CDH23: variants seen among roughly 807,000 people sequenced by gnomAD.
CDH23 encodes cadherin-23.
A neutral mutation model predicts 317.1 loss-of-function variants in CDH23; 189 were observed. The ratio of observed to expected loss-of-function variants is 0.60; its 90% confidence interval spans 0.53 to 0.67. CDH23 has a LOEUF of 0.67. Ranked by LOEUF, CDH23 falls within the 30% of genes least tolerant of loss-of-function variation. The probability of loss-of-function intolerance (pLI) is 0.00; values close to 1 mark genes in which losing one functional copy is unlikely to be tolerated. For synonymous variants in CDH23, 1,839 were observed against 1,876.8 expected, an observed-to-expected ratio of 0.98 and a Z score of 0.52; for missense variants, 4,401 against 4,592.4, an observed-to-expected ratio of 0.96 and a Z score of 1.20.
rs754618075 is a variant in CDH23, at chr10:71,685,322, T to A, written c.1987-2325T>A. Among the ~76,000 whole-genome samples the A allele has an allele frequency of 3.0e-4, 45 of 152,230 alleles. 1 individual carries two copies. The highest frequency in any genetic ancestry group is 7.2e-4 in the Admixed American group (11 of 15,298). On this transcript the variant is annotated intron_variant, in intron 18 of 69. Coordinates refer to ENST00000224721, the MANE Select transcript of CDH23 (RefSeq NM_022124.6). ...CTTCAGAGACCCACCCTCATGAGAT[T>A]TTGAAACCTGAGCTCTGCTCCAAAC...
At chr10:71,599,033 A>C (rs1180657966) in intron 9 of CDH23, among the ~76,000 whole-genome samples, 2 of 150,110 alleles carry the variant, frequency 1.3e-5, no homozygotes, top group Admixed American at 6.7e-5. Context: ...TCCACCCCAC[A>C]TCCCAGCCCG....
At chr10:71,544,287 G>T (rs1320792712) in intron 6 of CDH23, among the ~76,000 whole-genome samples, 1 of 152,228 alleles carries the variant, frequency 6.6e-6, no homozygotes, top group South Asian at 2.1e-4. Context: ...TCCTCATCCA[G>T]TGGACCGAGA....
At chr10:71,538,386 G>A (rs1855816723) in intron 6 of CDH23, among the ~76,000 whole-genome samples, 1 of 152,116 alleles carries the variant, frequency 6.6e-6, no homozygotes, top group Non-Finnish European at 1.5e-5. Context: ...TCAACTATCA[G>A]AATTGGAAGG....
At chr10:71,760,959 G>A in intron 38 of CDH23, 1 of 1,607,820 alleles carries the variant, frequency 6.2e-7, no homozygotes, top group African/African-American at 1.3e-5. Flanking sequence ...TTAGGTGGGT[G>A]TCAGGCCCAG....
At chr10:71,611,777 A>T (rs1194880777) in intron 9 of CDH23, among the ~76,000 whole-genome samples, 1 of 152,210 alleles carries the variant, frequency 6.6e-6, no homozygotes, top group East Asian at 1.9e-4. Flanking sequence ...CTCAGCGAGT[A>T]CTTACACTTT....
chr10:71,779,368 G>T lies in CDH23; in HGVS notation c.5289G>T (p.Val1763=). ...EVTEGQPGPR[V]WTFLAHDRDS... ...CTGAGGGCCAGCCGGGGCCCAGAGTGTGGACCTTCCTGGCCCATGACCGAG... is the reference window on the plus strand; with the variant it reads ...CTGAGGGCCAGCCGGGGCCCAGAGTTTGGACCTTCCTGGCCCATGACCGAG... The change falls in exon 41 of 70, where the codon GTG becomes GTT. Residue 1763 remains valine (V), a synonymous_variant. Transcript: ENST00000224721. 1.2e-6 allele frequency: 2 copies of T among 1,613,954 alleles called. No homozygotes were observed. The highest frequency in any genetic ancestry group is 1.7e-6 in the Non-Finnish European group (2 of 1,179,876).
At chr10:71,468,243 G>A (rs1179938722) in intron 3 of CDH23, among the ~76,000 whole-genome samples, 1 of 152,234 alleles carries the variant, frequency 6.6e-6, no homozygotes, top group South Asian at 2.1e-4. Flanking sequence ...GGGTCCCGCT[G>A]TGGGGCCCTT....
At chr10:71,413,296 C>T (rs1410020444) in intron 1 of CDH23, among the ~76,000 whole-genome samples, 1 of 152,140 alleles carries the variant, frequency 6.6e-6, no homozygotes, top group East Asian at 1.9e-4. Flanking sequence ...GTTTATGTGA[C>T]AGTTTATTTC....
intron 55 of CDH23, 63 bp downstream of exon 55, chr10:71,803,483 G>T (rs1418420509): frequency 1.0e-5 from 15 of 1,432,854 alleles, no homozygotes; most frequent in Non-Finnish European, 1.4e-5. Flanking sequence ...TGGCCTAGAA[G>T]AGTGGAAGCA....
chr10:71,672,369 G>A (rs762731184), intron 14 of CDH23, among the ~76,000 whole-genome samples: 8 of 152,068 alleles, frequency 5.3e-5, no homozygotes, highest in Non-Finnish European at 1.2e-4. Flanking sequence ...AGGCCCTGCT[G>A]CAGCCCGGCA....
At chr10:71,519,288 G>A (rs371013433) in intron 6 of CDH23, among the ~76,000 whole-genome samples, 25 of 152,290 alleles carry the variant, frequency 1.6e-4, no homozygotes, top group African/African-American at 1.2e-4. Flanking sequence ...ATAGCTGCCT[G>A]CTAGTTCTGC....
At chr10:71,773,364 A>G in intron 38 of CDH23, 1 of 1,607,778 alleles carries the variant, frequency 6.2e-7, no homozygotes, top group Non-Finnish European at 8.5e-7. Context: ...TTACCTAGGG[A>G]CGCAGCCAGG....
chr10:71,610,013 G>A (rs1450986746), intron 9 of CDH23, among the ~76,000 whole-genome samples: 3 of 148,430 alleles, frequency 2.0e-5, no homozygotes, highest in East Asian at 2.1e-4. Flanking sequence ...ACAGAGAGAC[G>A]AGAGAGAGAG....
At chr10:71,713,375 G>A (rs995869843) in intron 28 of CDH23, 1 of 736,194 alleles carries the variant, frequency 1.4e-6, no homozygotes. Context: ...GCTGGGTGGG[G>A]AGGGAGGCCC....
At chr10:71,495,811 A>G (rs75670417) in intron 3 of CDH23, among the ~76,000 whole-genome samples, 3 of 132,232 alleles carry the variant, frequency 2.3e-5, no homozygotes, top group South Asian at 4.5e-4. Flanking sequence ...GAGGTTTTGG[A>G]AAAAAAAAAA....
chr10:71,795,180 G>A lies in CDH23; in HGVS notation c.6712+1540G>A, dbSNP rs1042644501. Among the ~76,000 whole-genome samples, 6 of 152,092 alleles carry A rather than the reference G, an allele frequency of 3.9e-5. No individual in the cohort carries two copies. In the East Asian group the frequency reaches 1.2e-3, roughly 29 times the overall value. On this transcript the variant is annotated intron_variant, in intron 48 of 69. Transcript: ENST00000224721. Reference sequence around the variant, plus strand: ...AATACATTACAATGACTGCCTGAGGGGAGAAGGGAAGGAGAGATGAGTATG... The same window carrying A: ...AATACATTACAATGACTGCCTGAGGAGAGAAGGGAAGGAGAGATGAGTATG...
chr10:71,514,047 C>T (rs999464788), intron 6 of CDH23, among the ~76,000 whole-genome samples: 1 of 152,032 alleles, frequency 6.6e-6, no homozygotes, highest in South Asian at 2.1e-4. Flanking sequence ...ACTGCCCACA[C>T]ACACCCATGC....
intron 30 of CDH23, among the ~76,000 whole-genome samples, chr10:71,730,181 G>T (rs577801959): frequency 6.6e-6 from 1 of 152,092 alleles, no homozygotes; most frequent in African/African-American, 2.4e-5. Flanking sequence ...GGAAACTGGG[G>T]GCCCCAAAGA....
chr10:71,453,816 G>T (rs1477458262), intron 3 of CDH23, among the ~76,000 whole-genome samples: 1 of 152,262 alleles, frequency 6.6e-6, no homozygotes, highest in Non-Finnish European at 1.5e-5. Flanking sequence ...AAGGGACGGG[G>T]ATGGGAGGAG....
Sources: gnomAD v4.1 joint callset for allele counts (sites outside exome capture counted in the v4.1 genomes callset) on GRCh38, gnomAD v4.1.1 for gene constraint, MANE v1.5 for transcripts, NCBI Gene and HGNC (gene_info 2026-07-23, HGNC 2026-07-21) for gene names.